SPATA6L: variants seen among roughly 807,000 people sequenced by gnomAD.
SPATA6L encodes the protein spermatogenesis associated 6 like, also known as spermatogenesis associated 6-like protein.
A neutral mutation model predicts 49.2 loss-of-function variants in SPATA6L; 68 were observed. That is an observed-to-expected ratio of 1.38 (90% CI 1.14 to 1.69). The LOEUF is 1.69. SPATA6L is among the 40% of genes most tolerant of loss of function. The pLI is 0.00. For synonymous variants in SPATA6L, 198 were observed against 165.7 expected (o/e 1.19, Z -1.50); for missense variants, 668 against 464.3 (o/e 1.44, Z -4.03).
chr9:4,589,144 T>C (rs969617632), intron 13 of SPATA6L, among the ~76,000 whole-genome samples: 1 of 152,220 alleles, frequency 6.6e-6, no homozygotes, highest in Non-Finnish European at 1.5e-5. Context: ...AAACCTTGGT[T>C]TCCTCTTCCA....
At chr9:4,628,710 G>C (rs752101025) in intron 5 of SPATA6L, 1 of 169,834 alleles carries the variant, frequency 5.9e-6, no homozygotes, top group African/African-American at 2.4e-5. Flanking sequence ...GCCTCCCAAA[G>C]TGCCACCATG....
downstream of SPATA6L, among the ~76,000 whole-genome samples, chr9:4,593,490 C>G (rs1474400034): frequency 2.0e-5 from 3 of 152,066 alleles, no homozygotes; most frequent in Non-Finnish European, 4.4e-5. Flanking sequence ...GGGGAGTTGT[C>G]AGGATAAAAA....
intron 3 of SPATA6L, among the ~76,000 whole-genome samples, chr9:4,652,232 C>T (rs1837067575): frequency 6.6e-6 from 1 of 152,042 alleles, no homozygotes; most frequent in South Asian, 2.1e-4. Flanking sequence ...ATCAGCCTGA[C>T]AAACATGGAG....
At chr9:4,648,145 G>C (rs301478) in intron 3 of SPATA6L, among the ~76,000 whole-genome samples, 1 of 151,890 alleles carries the variant, frequency 6.6e-6, no homozygotes, top group Non-Finnish European at 1.5e-5. Flanking sequence ...ATGAAAACAT[G>C]TTAAACAGAC....
intron 4 of SPATA6L, among the ~76,000 whole-genome samples, chr9:4,630,207 C>T (rs73393810): frequency 0.21 from 31,418 of 151,944 alleles, 4,647 homozygotes; most frequent in East Asian, 0.4. Flanking sequence ...GATTGTTCTA[C>T]ATCCTGCTCG....
Position 4,629,176 on chromosome 9 carries a change from A to G in SPATA6L, c.352-8T>C, listed in dbSNP as rs745360464. On this transcript the variant is annotated splice_polypyrimidine_tract_variant and splice_region_variant and intron_variant, in intron 4 of 11. Coordinates refer to ENST00000682582, the MANE Select transcript of SPATA6L (RefSeq NM_001353486.2). ...TATTTTGGGAGCAATGCCCTATAAAACAGCATAAAAAAAGCAAATAAAATT... is the reference window on the plus strand; with the variant it reads ...TATTTTGGGAGCAATGCCCTATAAAGCAGCATAAAAAAAGCAAATAAAATT... 19 of 1,513,666 alleles carry G rather than the reference A, an allele frequency of 1.3e-5. No individual in the cohort carries two copies. The highest frequency in any genetic ancestry group is 1.6e-5 in the Non-Finnish European group (18 of 1,125,456). The allele number at this position is 1,513,666 out of a possible 1,614,324, so 93.8% of individuals were successfully genotyped here. A position where few individuals can be genotyped will look rare whatever the true frequency, so the allele number is the denominator to read the frequency against.
intron 3 of SPATA6L, among the ~76,000 whole-genome samples, chr9:4,653,772 A>T (rs139901878): frequency 6.6e-6 from 1 of 152,196 alleles, no homozygotes; most frequent in African/African-American, 2.4e-5. Context: ...CTACAAAACA[A>T]AAACAAAAAC....
In SPATA6L at chr9:4,599,856, T is replaced by C. The variant is rs1029330869; in HGVS notation, c.*955A>G. 1.3e-5 allele frequency among the ~76,000 whole-genome samples: 2 copies of C among 152,154 alleles called. No homozygotes were observed. Among genetic ancestry groups the C allele is most frequent in the Non-Finnish European group, 2.9e-5 (2 of 68,022 alleles). On this transcript the variant is annotated 3_prime_UTR_variant, in exon 12 of 12. Coordinates refer to ENST00000682582, the MANE Select transcript of SPATA6L (RefSeq NM_001353486.2). ...AACATTCACACTATAGTAGGGCTGG[T>C]AGAGGAAAATGCTATGCTTACACTA... is the stretch of plus-strand genomic sequence containing the variant.
At chr9:4,629,571 C>G (rs1218139557) in intron 4 of SPATA6L, among the ~76,000 whole-genome samples, 1 of 151,828 alleles carries the variant, frequency 6.6e-6, no homozygotes, top group Non-Finnish European at 1.5e-5. Flanking sequence ...ATGAGATTAC[C>G]TAGAGAGAGG....
At chr9:4,644,620 T>C (rs773492957) in intron 3 of SPATA6L, among the ~76,000 whole-genome samples, 1 of 151,310 alleles carries the variant, frequency 6.6e-6, no homozygotes, top group Non-Finnish European at 1.5e-5. Flanking sequence ...AAATGCGTAA[T>C]AGCAGAGATC....
At chr9:4,647,417 C>A (rs1164934443) in intron 3 of SPATA6L, among the ~76,000 whole-genome samples, 1 of 152,050 alleles carries the variant, frequency 6.6e-6, no homozygotes, top group Non-Finnish European at 1.5e-5. Flanking sequence ...CATAGTGAAA[C>A]CCCGTGTCTA....
In SPATA6L at chr9:4,662,608, C is replaced by G; in HGVS notation, c.40-572G>C. On this transcript the variant is annotated intron_variant, in intron 1 of 11. Coordinates refer to ENST00000682582, the MANE Select transcript of SPATA6L (RefSeq NM_001353486.2). This position sits in a 1 kb window ranked among gnomAD's most constrained non-coding sequence, Gnocchi z 4.9. The stretch of plus-strand genomic sequence containing the variant: ...TCCTTCCCCCTGGCCGCGGCGGGCC[C>G]CTCGCAGTCGCCCGCGCCTCCGCTG... The G allele has an allele frequency of 6.3e-7, 1 of 1,595,254 alleles. No individual in the cohort carries two copies. Among genetic ancestry groups the G allele is most frequent in the Non-Finnish European group, 8.5e-7 (1 of 1,178,116 alleles).
intron 3 of SPATA6L, among the ~76,000 whole-genome samples, chr9:4,655,425 C>T (rs60688776): frequency 0.071 from 10,845 of 152,130 alleles, 886 homozygotes; most frequent in African/African-American, 0.19. Context: ...GGCATAGGGC[C>T]GCTTTTTGTG....
intron 1 of SPATA6L, chr9:4,665,259 T>G (rs909943901): frequency 1.2e-5 from 2 of 163,326 alleles, no homozygotes; most frequent in Admixed American, 1.3e-4. Flanking sequence ...TAATGGTGAA[T>G]GAAGTGAGAT....
At chr9:4,648,550 A>G (rs1447832635) in intron 3 of SPATA6L, among the ~76,000 whole-genome samples, 1 of 151,628 alleles carries the variant, frequency 6.6e-6, no homozygotes, top group Non-Finnish European at 1.5e-5. Context: ...AATACAAAAA[A>G]TTAGCCGGGC....
chr9:4,644,173 G>T (rs1215123436), intron 3 of SPATA6L, among the ~76,000 whole-genome samples: 1 of 95,124 alleles, frequency 1.1e-5, no homozygotes, highest in Admixed American at 1.7e-4. Flanking sequence ...ATAGTAAGAT[G>T]CCATCTCTGC....
chr9:4,619,825 A>G lies in SPATA6L; in HGVS notation c.773-927T>C, dbSNP rs145302000. On this transcript the variant is annotated intron_variant, in intron 7 of 11. Transcript: ENST00000682582. ...AGCAGACCTAATGCCGAAGTATGGC[A>G]AGGATGACTAGGAAATGAGGTAATA... Among the ~76,000 whole-genome samples, 29 of 152,290 alleles carry G rather than the reference A, an allele frequency of 1.9e-4. No homozygotes were observed. In the East Asian group the frequency reaches 5.0e-3, roughly 26 times the overall value.
chr9:4,639,566 G>A (rs751362013), intron 3 of SPATA6L, among the ~76,000 whole-genome samples: 9 of 152,152 alleles, frequency 5.9e-5, no homozygotes, highest in East Asian at 1.9e-4. Context: ...GTGTGAAAAC[G>A]TCAGCACACT....
intron 9 of SPATA6L, among the ~76,000 whole-genome samples, chr9:4,610,565 A>T (rs1441985586): frequency 6.7e-6 from 1 of 148,536 alleles, no homozygotes; most frequent in East Asian, 2.0e-4. Context: ...CCTATTTAAT[A>T]AATGGTGCTG....
Sources: gnomAD v4.1 joint callset for allele counts (sites outside exome capture counted in the v4.1 genomes callset) on GRCh38, gnomAD v4.1.1 for gene constraint, Gnocchi (gnomAD v3.1) non-coding constraint, MANE v1.5 for transcripts, NCBI Gene and HGNC (gene_info 2026-07-23, HGNC 2026-07-21) for gene names.